Variants in TAX1BP1 observed in about 807,000 individuals in gnomAD.
The protein encoded by TAX1BP1 is Tax1 binding protein 1.
A neutral mutation model predicts 97.7 loss-of-function variants in TAX1BP1; 62 were observed. The observed-to-expected ratio is 0.63, with a 90% CI of 0.52 to 0.78. The LOEUF (loss-of-function observed/expected upper bound fraction) is 0.78, where lower values mean the gene tolerates loss of function less well. Among genes scored for constraint, TAX1BP1 ranks in the 30% least tolerant of loss-of-function variants. TAX1BP1 has a pLI of 0.00. For synonymous variants in TAX1BP1, 340 were observed against 304.2 expected (o/e 1.12, Z -1.23); for missense variants, 867 against 916.1 (o/e 0.95, Z 0.69).
rs1356162673 is a variant in TAX1BP1, at chr7:27,828,867, A to T, written c.*38A>T. On this transcript the variant is annotated 3_prime_UTR_variant, in exon 17 of 17. Transcript: ENST00000396319. ...ATGAGTTAATATAGTTTAGCAGTAAAAAAAAAAAAAAAAACCACACCTAAA... is the reference window on the plus strand; with the variant it reads ...ATGAGTTAATATAGTTTAGCAGTAATAAAAAAAAAAAAAACCACACCTAAA... 1.7e-5 allele frequency: 24 copies of T among 1,378,592 alleles called. No homozygotes were observed. Among genetic ancestry groups the T allele is most frequent in the South Asian group, 2.7e-5 (2 of 73,418 alleles). The allele number at this position is 1,378,592 out of a possible 1,614,324, so 85.4% of individuals were successfully genotyped here.
intron 13 of TAX1BP1, among the ~76,000 whole-genome samples, chr7:27,809,170 T>G (rs757660849): frequency 1.3e-5 from 2 of 152,220 alleles, no homozygotes; most frequent in Non-Finnish European, 2.9e-5. Flanking sequence ...AAAGGCTATT[T>G]TGAGATGGCT....
intron 13 of TAX1BP1, among the ~76,000 whole-genome samples, chr7:27,812,188 T>C (rs773227592): frequency 2.0e-5 from 3 of 152,226 alleles, no homozygotes; most frequent in Non-Finnish European, 2.9e-5. Flanking sequence ...ATTTTAGTCA[T>C]CCTAGTGGGT....
At chr7:27,772,229 A>G (rs1288718296) in intron 5 of TAX1BP1, 5 of 151,822 alleles carry the variant, frequency 3.3e-5, no homozygotes, top group African/African-American at 4.8e-5. Flanking sequence ...CTGGGCAGCT[A>G]CAACTCCAGA....
intron 15 of TAX1BP1, among the ~76,000 whole-genome samples, chr7:27,820,511 C>T (rs756469684): frequency 4.6e-5 from 7 of 152,056 alleles, no homozygotes; most frequent in Admixed American, 6.6e-5. Flanking sequence ...TATTATCTTA[C>T]GTTTTAAATT....
In TAX1BP1 at chr7:27,793,660, A is replaced by G. The variant is rs1201187017; in HGVS notation, c.1410+448A>G. ...ATTCCTATTAGATTAGGAACAGTTA[A>G]AGAGTGTTAGCTAATTCTTTTTTAT... is the stretch of plus-strand genomic sequence containing the variant. On this transcript the variant is annotated intron_variant, in intron 10 of 16. Coordinates refer to ENST00000396319, the MANE Select transcript of TAX1BP1 (RefSeq NM_006024.7). 1.9e-4 allele frequency among the ~76,000 whole-genome samples: 29 copies of G among 152,162 alleles called. 1 individual carries two copies. The highest frequency in any genetic ancestry group is 1.9e-3 in the Admixed American group (29 of 15,278).
rs144055189 is a variant in TAX1BP1 at position 27,746,251 on chromosome 7, A to G, written c.-7-2267A>G. On this transcript the variant is annotated intron_variant, in intron 1 of 16. Transcript: ENST00000396319. ...TATCTTTCTTAAAGGAAGCGTGACTATTCACTCACTTCATAGAAAAATATT... is the reference window on the plus strand; with the variant it reads ...TATCTTTCTTAAAGGAAGCGTGACTGTTCACTCACTTCATAGAAAAATATT... 2.8e-3 allele frequency among the ~76,000 whole-genome samples: 424 copies of G among 152,236 alleles called. 1 individual carries two copies. Among genetic ancestry groups the G allele is most frequent in the African/African-American group, 5.2e-3 (218 of 41,558 alleles).
At position 27,748,697 on chromosome 7, in the gene TAX1BP1, T is replaced by C; in HGVS notation, c.162+11T>C. The C allele has an allele frequency of 1.3e-6, 2 of 1,501,826 alleles. No homozygotes were observed. The allele number at this position is 1,501,826 out of a possible 1,614,324, so 93.0% of individuals were successfully genotyped here. A position where few individuals can be genotyped will look rare whatever the true frequency, so the allele number is the denominator to read the frequency against. On this transcript the variant is annotated intron_variant, in intron 2 of 16. Coordinates refer to ENST00000396319, the MANE Select transcript of TAX1BP1 (RefSeq NM_006024.7). ...GTTGGTATATTCAAGGTAAGAAAGC[T>C]TTCTGAATATGTTCTCCATGTAAAC...
intron 3 of TAX1BP1, among the ~76,000 whole-genome samples, chr7:27,761,732 G>A (rs1433854406): frequency 6.6e-6 from 1 of 152,158 alleles, no homozygotes; most frequent in Non-Finnish European, 1.5e-5. Flanking sequence ...ATCTATTGAA[G>A]GAGATCTTGG....
At chr7:27,813,937 G>T (rs1790659303) in intron 13 of TAX1BP1, among the ~76,000 whole-genome samples, 1 of 151,714 alleles carries the variant, frequency 6.6e-6, no homozygotes, top group Non-Finnish European at 1.5e-5. Context: ...AATACTTAAT[G>T]GTCAGTAAGT....
At position 27,816,896 on chromosome 7, in the gene TAX1BP1, C is replaced by G. The variant is rs375645372; in HGVS notation, c.1943C>G (p.Ala648Gly). ...TCCAAAAATTTTATTACAGATGGAG[C>G]AGATGGTGCTTTTTACCCAGATGAA... is the stretch of plus-strand genomic sequence containing the variant. ...PYASQETRDG[A>G]DGAFYPDEIQ... Residue 648 changes from alanine to glycine, a missense_variant, in exon 15 of 17, where the codon GCA becomes GGA. Ala to Gly is a moderately conservative substitution (Grantham distance 60, BLOSUM62 0). Transcript: ENST00000396319. 6.2e-7 allele frequency: 1 copy of G among 1,613,826 alleles called. No homozygotes were observed. Among genetic ancestry groups the G allele is most frequent in the South Asian group, 1.1e-5 (1 of 91,060 alleles).
intron 3 of TAX1BP1, among the ~76,000 whole-genome samples, chr7:27,763,062 T>G (rs1788488264): frequency 6.6e-6 from 1 of 152,234 alleles, no homozygotes; most frequent in Admixed American, 6.5e-5. Flanking sequence ...AGCATCTCCG[T>G]GCCTAGAACT....
At chr7:27,787,195 T>A (rs758024422) in intron 7 of TAX1BP1, among the ~76,000 whole-genome samples, 1 of 152,182 alleles carries the variant, frequency 6.6e-6, no homozygotes, top group African/African-American at 2.4e-5. Flanking sequence ...TTGTTAGGGC[T>A]TAGAATAATC....
At chr7:27,792,297 A>C in intron 9 of TAX1BP1, 67 bp downstream of exon 9, 1 of 1,381,112 alleles carries the variant, frequency 7.2e-7, no homozygotes, top group South Asian at 1.3e-5. Flanking sequence ...CAAAGTAGTA[A>C]ATTGTGTTAA....
intron 9 of TAX1BP1, 104 bp from the exon 10 acceptor site, chr7:27,792,962 A>G: frequency 8.9e-7 from 1 of 1,127,540 alleles, no homozygotes; most frequent in Non-Finnish European, 1.2e-6. Context: ...ACTCTGTCTC[A>G]AAAACAAAAA....
chr7:27,826,337 TA>T (rs1435450405), intron 15 of TAX1BP1, among the ~76,000 whole-genome samples: 1 of 152,240 alleles, frequency 6.6e-6, no homozygotes, highest in Non-Finnish European at 1.5e-5. Flanking sequence ...CCCCTTCTTT[TA>T]CTTTTCAAGA....
chr7:27,763,746 T>A (rs1405935365), intron 3 of TAX1BP1, among the ~76,000 whole-genome samples: 2 of 150,482 alleles, frequency 1.3e-5, no homozygotes, highest in Non-Finnish European at 3.0e-5. Flanking sequence ...CCAGCCTGGG[T>A]GACAGAGCGA....
intron 5 of TAX1BP1, among the ~76,000 whole-genome samples, chr7:27,773,079 A>G (rs1788904626): frequency 6.6e-6 from 1 of 152,098 alleles, no homozygotes; most frequent in Non-Finnish European, 1.5e-5. Context: ...TGCTTTACAT[A>G]TGTTAGCTAA....
intron 5 of TAX1BP1, among the ~76,000 whole-genome samples, chr7:27,772,783 T>A (rs1788894566): frequency 6.6e-6 from 1 of 152,074 alleles, no homozygotes; most frequent in Non-Finnish European, 1.5e-5. Flanking sequence ...ATTGGCTGCT[T>A]GAAGGAATAA....
At chr7:27,771,059 A>C (rs1788825082) in intron 5 of TAX1BP1, among the ~76,000 whole-genome samples, 1 of 142,244 alleles carries the variant, frequency 7.0e-6, no homozygotes. Context: ...GTAAAATCTC[A>C]TAATATGTGC....
Sources: allele counts gnomAD v4.1 joint callset (sites outside exome capture counted in the v4.1 genomes callset), GRCh38; gene constraint gnomAD v4.1.1; transcripts MANE v1.5; gene names NCBI Gene and HGNC (gene_info 2026-07-23, HGNC 2026-07-21).